LTBP1: variants seen among roughly 807,000 people sequenced by gnomAD.
LTBP1 encodes latent-transforming growth factor beta-binding protein 1.
LTBP1 carries 129 observed loss-of-function variants against 207.6 expected under a neutral mutation model. The observed-to-expected ratio is 0.62, with a 90% CI of 0.54 to 0.72. The LOEUF (loss-of-function observed/expected upper bound fraction) is 0.72. Ranked by LOEUF, LTBP1 falls within the 30% of genes least tolerant of loss-of-function variation. The pLI, the probability that LTBP1 is intolerant of heterozygous loss-of-function variation, is 0.00. For synonymous variants in LTBP1, 963 were observed against 833.7 expected (o/e 1.16, Z -2.67); for missense variants, 2,281 against 2,217.2 (o/e 1.03, Z -0.58).
intron 26 of LTBP1, among the ~76,000 whole-genome samples, chr2:33,351,873 G>T: frequency 6.6e-6 from 1 of 152,194 alleles, no homozygotes; most frequent in South Asian, 2.1e-4. Flanking sequence ...TAACATCCCA[G>T]GCAGTTACAT....
chr2:33,235,584 C>T (rs1275582202), intron 9 of LTBP1, among the ~76,000 whole-genome samples: 2 of 152,184 alleles, frequency 1.3e-5, no homozygotes, highest in African/African-American at 2.4e-5. Context: ...AATCATTCTA[C>T]TATAAAGACA....
At chr2:33,086,951 G>T (rs1227476346) in intron 3 of LTBP1, among the ~76,000 whole-genome samples, 2 of 151,852 alleles carry the variant, frequency 1.3e-5, no homozygotes, top group Non-Finnish European at 2.9e-5. Flanking sequence ...TTTAGCTTCC[G>T]TGGTTATAAA....
At chr2:33,321,015 A>G (rs893463101) in intron 24 of LTBP1, among the ~76,000 whole-genome samples, 7 of 152,162 alleles carry the variant, frequency 4.6e-5, no homozygotes, top group Admixed American at 4.6e-4. Context: ...ATAATTCTAT[A>G]TTCCACTCCT....
At chr2:33,254,707 A>G (rs1027870085) in intron 11 of LTBP1, among the ~76,000 whole-genome samples, 1 of 145,006 alleles carries the variant, frequency 6.9e-6, no homozygotes, top group Admixed American at 6.8e-5. Context: ...TTAACTCGTC[A>G]TTTAACATTA....
intron 5 of LTBP1, among the ~76,000 whole-genome samples, chr2:33,152,494 A>G (rs1023443076): frequency 1.3e-5 from 2 of 152,234 alleles, no homozygotes; most frequent in Admixed American, 1.3e-4. Context: ...TAGCCACTAT[A>G]GAAAACAGTG....
intron 2 of LTBP1, among the ~76,000 whole-genome samples, chr2:32,951,927 CACA>C (rs1342939548): frequency 6.6e-6 from 1 of 152,146 alleles, no homozygotes; most frequent in Non-Finnish European, 1.5e-5. Flanking sequence ...ATGATACGCC[CACA>C]TGAAGTTCCC....
intron 31 of LTBP1, among the ~76,000 whole-genome samples, chr2:33,365,835 T>A (rs2094980101): frequency 6.6e-6 from 1 of 152,228 alleles, no homozygotes; most frequent in African/African-American, 2.4e-5. Flanking sequence ...ACTACAATTC[T>A]TCTCATTCCT....
At chr2:33,256,762 A>T (rs1327481732) in intron 11 of LTBP1, among the ~76,000 whole-genome samples, 3 of 74,552 alleles carry the variant, frequency 4.0e-5, no homozygotes, top group Admixed American at 1.6e-4. Context: ...ATATATATAT[A>T]TATATATATA....
intron 2 of LTBP1, among the ~76,000 whole-genome samples, chr2:32,958,487 T>G (rs191492990): frequency 1.2e-3 from 185 of 152,302 alleles, no homozygotes; most frequent in African/African-American, 4.3e-3. Context: ...CACTCTTAGT[T>G]GGCTCTGGGT....
In LTBP1 at chr2:33,217,557, C is replaced by G; in HGVS notation, c.1707C>G (p.Gly569=). The change falls in exon 8 of 34, where the codon GGC becomes GGG. Residue 569 remains glycine, a synonymous_variant. Coordinates refer to ENST00000404816, the MANE Select transcript of LTBP1 (RefSeq NM_206943.4). ...TTCACACCTAATCATTGCAGTGTGGCAAAGCGCTCCCTGGCCTTTCAAAGC... is the reference window on the plus strand; with the variant it reads ...TTCACACCTAATCATTGCAGTGTGGGAAAGCGCTCCCTGGCCTTTCAAAGC... The part of the protein sequence containing the change: ...CFQETIGSQC[G]KALPGLSKQE... The G allele has an allele frequency of 5.6e-6, 9 of 1,613,240 alleles. No homozygotes were observed. The highest frequency in any genetic ancestry group is 7.6e-6 in the Non-Finnish European group (9 of 1,179,268).
intron 9 of LTBP1, among the ~76,000 whole-genome samples, chr2:33,224,382 C>T (rs1222623230): frequency 2.0e-5 from 3 of 152,188 alleles, no homozygotes; most frequent in Non-Finnish European, 4.4e-5. Flanking sequence ...CCTAATTTCT[C>T]TTAATGTCAA....
chr2:33,120,323 C>T (rs2081032205), intron 4 of LTBP1, among the ~76,000 whole-genome samples: 1 of 152,084 alleles, frequency 6.6e-6, no homozygotes, highest in East Asian at 1.9e-4. Context: ...TCTTTTCTGC[C>T]CTTCTCCCTC....
At chr2:33,337,135 GAC>G (rs2094562541) in intron 24 of LTBP1, among the ~76,000 whole-genome samples, 1 of 152,198 alleles carries the variant, frequency 6.6e-6, no homozygotes, top group Non-Finnish European at 1.5e-5. Context: ...ATGAGAAGGT[GAC>G]ACAGGTGTCT....
chr2:33,256,905 T>C (rs2092876876), intron 11 of LTBP1, among the ~76,000 whole-genome samples: 2 of 150,058 alleles, frequency 1.3e-5, no homozygotes. Flanking sequence ...GTCTTGAGCA[T>C]TGCAGATTTT....
intron 7 of LTBP1, among the ~76,000 whole-genome samples, chr2:33,189,243 T>G (rs1038166688): frequency 6.6e-6 from 1 of 152,246 alleles, no homozygotes; most frequent in Non-Finnish European, 1.5e-5. Flanking sequence ...TTGCCCAGGC[T>G]GGAGTGCAGT....
intron 3 of LTBP1, among the ~76,000 whole-genome samples, chr2:33,102,350 T>C (rs1458219750): frequency 6.6e-6 from 1 of 152,174 alleles, no homozygotes; most frequent in East Asian, 1.9e-4. Flanking sequence ...GATGCCAGGC[T>C]GCCATCTCCA....
intron 12 of LTBP1, among the ~76,000 whole-genome samples, chr2:33,258,946 A>G (rs1016001411): frequency 2.6e-5 from 4 of 152,244 alleles, no homozygotes; most frequent in African/African-American, 7.2e-5. Context: ...GGCATCACCA[A>G]CACCCTCACA....
chr2:33,055,834 A>G (rs898462495), intron 3 of LTBP1, among the ~76,000 whole-genome samples: 5 of 152,156 alleles, frequency 3.3e-5, no homozygotes, highest in Admixed American at 2.6e-4. Context: ...AAGGGGACAT[A>G]ACCCATAGCC....
intron 5 of LTBP1, among the ~76,000 whole-genome samples, chr2:33,163,605 A>G (rs2084653657): frequency 6.6e-6 from 1 of 152,188 alleles, no homozygotes. Flanking sequence ...GCAAAAACGC[A>G]TTATAGTTAG....
Sources: allele counts gnomAD v4.1 joint callset (sites outside exome capture counted in the v4.1 genomes callset), GRCh38; gene constraint gnomAD v4.1.1; transcripts MANE v1.5; gene names NCBI Gene and HGNC (gene_info 2026-07-23, HGNC 2026-07-21).